MCPH1: variants seen among roughly 807,000 people sequenced by gnomAD.
MCPH1 encodes the protein microcephalin 1, also known as microcephalin.
Under a neutral mutation model 84.5 loss-of-function variants are expected in MCPH1, and 104 were observed. The observed-to-expected ratio is 1.23, with a 90% CI of 1.05 to 1.45. MCPH1 has a LOEUF of 1.45. MCPH1 is among the 40% of genes most tolerant of loss of function. The pLI, the probability that MCPH1 is intolerant of heterozygous loss-of-function variation, is 0.00. For missense variants in MCPH1, 1,498 were observed against 1,005.7 expected (o/e 1.49, Z -6.62); for synonymous variants, 514 against 366.8 (o/e 1.40, Z -4.58).
chr8:6,433,598 A>G (rs949995095), intron 4 of MCPH1, among the ~76,000 whole-genome samples: 1 of 133,814 alleles, frequency 7.5e-6, no homozygotes, highest in African/African-American at 3.0e-5. Context: ...ATGCCACTGC[A>G]CTCCAGCCTG....
chr8:6,541,583 T>C (rs1821586661), intron 12 of MCPH1, among the ~76,000 whole-genome samples: 1 of 152,234 alleles, frequency 6.6e-6, no homozygotes, highest in South Asian at 2.1e-4. Context: ...CTCTGAGTTA[T>C]TCTGCAGACT....
intron 8 of MCPH1, among the ~76,000 whole-genome samples, chr8:6,453,638 T>C (rs1009062032): frequency 6.6e-6 from 1 of 152,148 alleles, no homozygotes; most frequent in African/African-American, 2.4e-5. Flanking sequence ...TTTGACACAC[T>C]CATGCTTCAA....
intron 3 of MCPH1, among the ~76,000 whole-genome samples, chr8:6,426,958 G>C (rs574123403): frequency 6.6e-6 from 1 of 152,126 alleles, no homozygotes. Flanking sequence ...TCTGAGAAAC[G>C]AATAGGTGAT....
At chr8:6,484,847 G>T (rs1809671092) in intron 11 of MCPH1, among the ~76,000 whole-genome samples, 2 of 152,222 alleles carry the variant, frequency 1.3e-5, no homozygotes, top group Admixed American at 1.3e-4. Flanking sequence ...ATGAGTGGTT[G>T]CCGCGCATTA....
At position 6,506,387 on chromosome 8, in the gene MCPH1, C is replaced by G. The variant is rs528740802; in HGVS notation, c.2214+6458C>G. Reference sequence around the variant, plus strand: ...TTGGGCTGTTTTTCCTCTCCCCAGTCTCTTTTCCAATTACATTCTCAGTCC... The same window carrying G: ...TTGGGCTGTTTTTCCTCTCCCCAGTGTCTTTTCCAATTACATTCTCAGTCC... On this transcript the variant is annotated intron_variant, in intron 12 of 13. Transcript: ENST00000344683. Among the ~76,000 whole-genome samples, 11 of 152,204 alleles carry G rather than the reference C, an allele frequency of 7.2e-5. No homozygotes were observed. In the South Asian group the frequency reaches 2.3e-3, roughly 32 times the overall value.
At chr8:6,637,441 G>T (rs990182834) in intron 13 of MCPH1, among the ~76,000 whole-genome samples, 2 of 152,144 alleles carry the variant, frequency 1.3e-5, no homozygotes, top group Non-Finnish European at 2.9e-5. Context: ...AGGAGAAGCG[G>T]TAAGTTTAGC....
At chr8:6,618,722 G>C (rs888622858) in intron 12 of MCPH1, 9 of 152,066 alleles carry the variant, frequency 5.9e-5, no homozygotes, top group African/African-American at 2.2e-4. Context: ...ATTATTATTA[G>C]GATATTTTGG....
At chr8:6,461,634 C>A (rs953899524) in intron 9 of MCPH1, among the ~76,000 whole-genome samples, 1 of 152,146 alleles carries the variant, frequency 6.6e-6, no homozygotes, top group Non-Finnish European at 1.5e-5. Flanking sequence ...GCCACCACAC[C>A]CGGCCTGGTG....
At chr8:6,422,206 T>C (rs1800305573) in intron 3 of MCPH1, among the ~76,000 whole-genome samples, 1 of 152,260 alleles carries the variant, frequency 6.6e-6, no homozygotes, top group African/African-American at 2.4e-5. Context: ...TGGTTGTGTT[T>C]CTAGTAAGTC....
intron 12 of MCPH1, among the ~76,000 whole-genome samples, chr8:6,535,865 T>C (rs2129572526): frequency 6.7e-6 from 1 of 150,068 alleles, no homozygotes; most frequent in East Asian, 2.0e-4. Flanking sequence ...CTGAGTAACA[T>C]GGTGAAACCC....
At chr8:6,498,621 C>T (rs1351210737) in intron 11 of MCPH1, among the ~76,000 whole-genome samples, 2 of 152,074 alleles carry the variant, frequency 1.3e-5, no homozygotes, top group South Asian at 2.1e-4. Flanking sequence ...ACTTGAATGC[C>T]GCACGCATTT....
At chr8:6,478,366 T>G (rs1003906953) in intron 10 of MCPH1, among the ~76,000 whole-genome samples, 2 of 152,214 alleles carry the variant, frequency 1.3e-5, no homozygotes, top group African/African-American at 4.8e-5. Context: ...TTTTTGTAAA[T>G]ATATTATGAA....
chr8:6,613,446 C>CG (rs1205137326), intron 12 of MCPH1, among the ~76,000 whole-genome samples: 73 of 150,292 alleles, frequency 4.9e-4, no homozygotes, highest in South Asian at 1.7e-3. Context: ...CAGGGAGTCA[C>CG]GGGGGGGTGG....
chr8:6,577,619 T>C (rs866619507), intron 12 of MCPH1, among the ~76,000 whole-genome samples: 2 of 152,272 alleles, frequency 1.3e-5, no homozygotes, highest in African/African-American at 4.8e-5. Context: ...TGCATGAAGC[T>C]AAATCTTTGT....
intron 8 of MCPH1, among the ~76,000 whole-genome samples, chr8:6,447,725 T>C (rs1305082354): frequency 6.6e-6 from 1 of 152,150 alleles, no homozygotes; most frequent in Non-Finnish European, 1.5e-5. Flanking sequence ...AATTTTGTTG[T>C]ATTTTTAGTA....
chr8:6,483,922 A>G (rs1202612306), intron 11 of MCPH1, among the ~76,000 whole-genome samples: 1 of 152,198 alleles, frequency 6.6e-6, no homozygotes, highest in Non-Finnish European at 1.5e-5. Context: ...TATACCTTAC[A>G]CGAGCCACAA....
chr8:6,556,925 A>G (rs1050358868), intron 12 of MCPH1, among the ~76,000 whole-genome samples: 2 of 152,108 alleles, frequency 1.3e-5, no homozygotes, highest in African/African-American at 4.8e-5. Context: ...TCTTCTAGGC[A>G]CCTAGAACCA....
intron 9 of MCPH1, among the ~76,000 whole-genome samples, chr8:6,460,543 C>G (rs1021652585): frequency 6.6e-6 from 1 of 152,024 alleles, no homozygotes; most frequent in East Asian, 1.9e-4. Context: ...ATTTCCAGTT[C>G]TCTGTCAAAA....
Position 6,541,607 on chromosome 8 carries a change from T to C in MCPH1, c.2214+41678T>C, listed in dbSNP as rs371826637. Among the ~76,000 whole-genome samples, 301 of 152,364 alleles carry C rather than the reference T, an allele frequency of 2.0e-3. 1 individual carries two copies. Among genetic ancestry groups the C allele is most frequent in the African/African-American group, 6.6e-3 (273 of 41,572 alleles). ...ATTCTGCAGACTTCTGCCATTCGTC[T>C]ATTTTTTGGGATACTTTGTTAAATT... On this transcript the variant is annotated intron_variant, in intron 12 of 13. Coordinates refer to ENST00000344683, the MANE Select transcript of MCPH1 (RefSeq NM_024596.5).
Sources: gnomAD v4.1 joint callset for allele counts (sites outside exome capture counted in the v4.1 genomes callset) on GRCh38, gnomAD v4.1.1 for gene constraint, MANE v1.5 for transcripts, NCBI Gene and HGNC (gene_info 2026-07-23, HGNC 2026-07-21) for gene names.